Variants in SLCO2A1 observed in about 807,000 individuals in gnomAD.
The protein encoded by SLCO2A1 is matrin F/G 1.
Under a neutral mutation model 71.7 loss-of-function variants are expected in SLCO2A1, and 60 were observed. The observed-to-expected ratio is 0.84, with a 90% CI of 0.68 to 1.04. The LOEUF (loss-of-function observed/expected upper bound fraction) is 1.04, where lower values mean the gene tolerates loss of function less well. SLCO2A1 is among the 50% of genes least tolerant of loss of function. The pLI, the probability that SLCO2A1 is intolerant of heterozygous loss-of-function variation, is 0.00. For missense variants in SLCO2A1, 745 were observed against 813.4 expected, an observed-to-expected ratio of 0.92 and a Z score of 1.02; for synonymous variants, 308 against 326.7, an observed-to-expected ratio of 0.94 and a Z score of 0.62.
At chr3:133,941,070 A>G (rs896928468) in intron 11 of SLCO2A1, among the ~76,000 whole-genome samples, 2 of 152,066 alleles carry the variant, frequency 1.3e-5, no homozygotes, top group African/African-American at 4.8e-5. Context: ...GTAATAAAGT[A>G]TTTTGTCTTT....
intron 1 of SLCO2A1, among the ~76,000 whole-genome samples, chr3:133,981,777 C>G (rs1934598547): frequency 6.6e-6 from 1 of 152,056 alleles, no homozygotes. Context: ...GAGTTCGAGA[C>G]CAGCCTGACC....
rs370769816 is a variant in SLCO2A1 at position 133,951,315 on chromosome 3, G to A, written c.754C>T (p.Arg252Ter). Residue 252 changes from arginine to a stop codon, truncating the protein, a stop_gained, in exon 6 of 14, where the codon CGA becomes TGA. Coordinates refer to ENST00000310926, the MANE Select transcript of SLCO2A1 (RefSeq NM_005630.3). LOFTEE classifies it high-confidence loss of function. ...AAVNLVPGDP[R>*]WIGAWWLGLL... ...CCTAGCCACCAGGCTCCAATCCATC[G>A]GGGGTCACCCGGGACCAAGTTAACT... The A allele has an allele frequency of 6.8e-6, 11 of 1,614,130 alleles. No homozygotes were observed. The highest frequency in any genetic ancestry group is 1.1e-5 in the South Asian group (1 of 91,078).
intron 6 of SLCO2A1, chr3:133,950,950 C>T: frequency 4.2e-6 from 2 of 472,406 alleles, no homozygotes; most frequent in Middle Eastern, 4.7e-4. Context: ...CTCAGTGTTT[C>T]CCAAACTGTT....
At chr3:134,016,914 A>C (rs1310137641) in intron 1 of SLCO2A1, among the ~76,000 whole-genome samples, 1 of 152,254 alleles carries the variant, frequency 6.6e-6, no homozygotes, top group African/African-American at 2.4e-5. Context: ...CATAATGCTG[A>C]ATGAAAAAAG....
intron 3 of SLCO2A1, among the ~76,000 whole-genome samples, chr3:133,971,870 G>A (rs753341518): frequency 2.0e-5 from 3 of 152,024 alleles, no homozygotes; most frequent in Admixed American, 2.0e-4. Context: ...AAGCAATGAC[G>A]GTCCTGGGTG....
At chr3:133,989,118 C>T (rs572981791) in intron 1 of SLCO2A1, among the ~76,000 whole-genome samples, 5 of 152,214 alleles carry the variant, frequency 3.3e-5, no homozygotes, top group East Asian at 3.9e-4. Flanking sequence ...CTGCATATGG[C>T]GCCAATTCAC....
At chr3:133,942,440 A>T in intron 11 of SLCO2A1, 165 bp downstream of exon 11, 1 of 703,708 alleles carries the variant, frequency 1.4e-6, no homozygotes, top group Non-Finnish European at 2.3e-6. Flanking sequence ...TGTTGCCATT[A>T]GTATTATTTC....
At chr3:134,013,469 T>C (rs1297305862) in intron 1 of SLCO2A1, among the ~76,000 whole-genome samples, 1 of 152,210 alleles carries the variant, frequency 6.6e-6, no homozygotes, top group African/African-American at 2.4e-5. Context: ...CAGGGCCTCA[T>C]TGTGCTCTCT....
At chr3:133,997,256 C>G (rs1367100339) in intron 1 of SLCO2A1, among the ~76,000 whole-genome samples, 1 of 152,172 alleles carries the variant, frequency 6.6e-6, no homozygotes, top group Non-Finnish European at 1.5e-5. Context: ...GCCTCTGCAA[C>G]TCAAAGCAAA....
chr3:133,942,734 G>T lies in SLCO2A1; in HGVS notation c.1496C>A (p.Ser499Tyr). The T allele has an allele frequency of 6.2e-7, 1 of 1,610,434 alleles. No individual in the cohort carries two copies. Residue 499 changes from serine to tyrosine, a missense_variant, in exon 11 of 14, where the codon TCC (serine) becomes TAC (tyrosine). By Grantham distance (144) the Ser-to-Tyr change is moderately radical (BLOSUM62 -2). Coordinates refer to ENST00000310926, the MANE Select transcript of SLCO2A1 (RefSeq NM_005630.3). ...GCACGATCCTGTCTTTGCTGAAGCG[G>T]ATCCCCCGGTCACACAGCTGCAGTT... Reference protein sequence around the residue: ...YLNCSCVTGGSASAKTGSCPV... With the variant: ...YLNCSCVTGGYASAKTGSCPV...
At chr3:133,998,160 G>A (rs1258581121) in intron 1 of SLCO2A1, among the ~76,000 whole-genome samples, 13 of 152,170 alleles carry the variant, frequency 8.5e-5, no homozygotes, top group African/African-American at 2.4e-4. Context: ...CCCTTCCAGC[G>A]CAGGCTTCCC....
chr3:133,990,143 G>A (rs538322390), intron 1 of SLCO2A1, among the ~76,000 whole-genome samples: 5 of 152,332 alleles, frequency 3.3e-5, no homozygotes, highest in South Asian at 2.1e-4. Flanking sequence ...CGGGCTCCCC[G>A]CTACTGCAGG....
intron 1 of SLCO2A1, among the ~76,000 whole-genome samples, chr3:134,005,675 G>T (rs1935199469): frequency 6.6e-6 from 1 of 151,810 alleles, no homozygotes; most frequent in African/African-American, 2.4e-5. Flanking sequence ...TAGAGACAGG[G>T]TTTCACCATG....
At chr3:133,980,346 C>T (rs1010816736) in intron 1 of SLCO2A1, among the ~76,000 whole-genome samples, 2 of 149,510 alleles carry the variant, frequency 1.3e-5, no homozygotes, top group African/African-American at 4.9e-5. Context: ...TCTCACCTGG[C>T]CTCGTACCTG....
chr3:133,983,677 A>G (rs1391123194), intron 1 of SLCO2A1, among the ~76,000 whole-genome samples: 1 of 152,166 alleles, frequency 6.6e-6, no homozygotes, highest in East Asian at 1.9e-4. Context: ...CCCAGCATGG[A>G]GATCAGTTGT....
At position 133,979,476 on chromosome 3, in the gene SLCO2A1, C is replaced by T. The variant is rs377284861; in HGVS notation, c.234+5G>A. The T allele has an allele frequency of 5.0e-6, 8 of 1,614,180 alleles. No homozygotes were observed. The highest frequency in any genetic ancestry group is 5.1e-6 in the Non-Finnish European group (6 of 1,180,014). On this transcript the variant is annotated splice_donor_5th_base_variant and intron_variant, in intron 2 of 13. Coordinates refer to ENST00000310926, the MANE Select transcript of SLCO2A1 (RefSeq NM_005630.3). ...GAGTCTGATGGACCAGAACCTCCTG[C>T]TCACCTCATTCAAGCTGGAAATGAG... is the stretch of plus-strand genomic sequence containing the variant.
intron 3 of SLCO2A1, among the ~76,000 whole-genome samples, chr3:133,971,563 T>C (rs1021073958): frequency 1.1e-4 from 17 of 152,242 alleles, no homozygotes; most frequent in Non-Finnish European, 2.1e-4. Flanking sequence ...TCTCCATCAC[T>C]GGCCTGACAA....
At chr3:134,020,460 T>G (rs920252117) in intron 1 of SLCO2A1, among the ~76,000 whole-genome samples, 1 of 152,210 alleles carries the variant, frequency 6.6e-6, no homozygotes, top group Non-Finnish European at 1.5e-5. Flanking sequence ...GCAACGCAGA[T>G]CCTGAGAGCG....
intron 3 of SLCO2A1, among the ~76,000 whole-genome samples, chr3:133,969,830 C>A (rs1329562281): frequency 6.6e-6 from 1 of 152,146 alleles, no homozygotes; most frequent in Non-Finnish European, 1.5e-5. Flanking sequence ...ATGTTAAAGT[C>A]CATATGGAGT....
Sources: allele counts gnomAD v4.1 joint callset (sites outside exome capture counted in the v4.1 genomes callset), GRCh38; gene constraint gnomAD v4.1.1; transcripts MANE v1.5; gene names NCBI Gene and HGNC (gene_info 2026-07-23, HGNC 2026-07-21).